RIT2: variants seen among roughly 807,000 people sequenced by gnomAD.
RIT2 encodes the protein Ras like without CAAX 2, also known as GTP-binding protein Rit2.
RIT2 carries 24 observed loss-of-function variants against 23.7 expected under a neutral mutation model. That is an observed-to-expected ratio of 1.01 (90% CI 0.73 to 1.43). The LOEUF (loss-of-function observed/expected upper bound fraction) is 1.43, where lower values mean the gene tolerates loss of function less well. RIT2 is among the 40% of genes most tolerant of loss of function. The pLI is 0.00. For missense variants in RIT2, 236 were observed against 266.9 expected (o/e 0.88, Z 0.81); for synonymous variants, 107 against 91.1 (o/e 1.17, Z -0.99).
In RIT2 at chr18:42,862,992, G is replaced by A. The variant is rs768761824; in HGVS notation, c.426+60580C>T. 3.3e-4 allele frequency among the ~76,000 whole-genome samples: 50 copies of A among 150,732 alleles called. 1 individual carries two copies. Among genetic ancestry groups the A allele is most frequent in the Non-Finnish European group, 1.6e-4 (11 of 67,900 alleles). On this transcript the variant is annotated intron_variant, in intron 4 of 4. Transcript: ENST00000326695. Reference sequence around the variant, plus strand: ...TAATCTGTTGATACTTAGAAACTTTGACTTCCCACAGATAGCAATTTGGGA... The same window carrying A: ...TAATCTGTTGATACTTAGAAACTTTAACTTCCCACAGATAGCAATTTGGGA...
intron 2 of RIT2, among the ~76,000 whole-genome samples, chr18:43,015,921 T>C (rs1033947122): frequency 6.6e-6 from 1 of 151,850 alleles, no homozygotes; most frequent in African/African-American, 2.4e-5. Flanking sequence ...CTGATACTTG[T>C]AACCCCTGTC....
chr18:42,834,461 G>A (rs1397773378), intron 4 of RIT2, among the ~76,000 whole-genome samples: 1 of 152,028 alleles, frequency 6.6e-6, no homozygotes, highest in Admixed American at 6.5e-5. Context: ...TTAATTATAT[G>A]ACTAGATATT....
At chr18:42,956,990 G>C (rs1211891708) in intron 3 of RIT2, among the ~76,000 whole-genome samples, 1 of 152,154 alleles carries the variant, frequency 6.6e-6, no homozygotes, top group African/African-American at 2.4e-5. Context: ...TTCAGGCAAA[G>C]ACTGTTTGGT....
intron 4 of RIT2, among the ~76,000 whole-genome samples, chr18:42,882,426 A>C (rs1299436459): frequency 6.6e-6 from 1 of 152,222 alleles, no homozygotes; most frequent in Non-Finnish European, 1.5e-5. Flanking sequence ...ATGACTAATT[A>C]TTTATATCTG....
chr18:42,864,828 C>T (rs1042027000), intron 4 of RIT2, among the ~76,000 whole-genome samples: 1 of 152,176 alleles, frequency 6.6e-6, no homozygotes, highest in Non-Finnish European at 1.5e-5. Context: ...TTAGGAGGCT[C>T]CATATATCCT....
chr18:42,892,519 C>T (rs369421356), intron 4 of RIT2, among the ~76,000 whole-genome samples: 2 of 152,164 alleles, frequency 1.3e-5, no homozygotes, highest in South Asian at 2.1e-4. Flanking sequence ...TTGTTTTGCC[C>T]GTATTAAATC....
rs559887206 is a variant in RIT2, at chr18:43,025,991, G to A, written c.160+7820C>T. Among the ~76,000 whole-genome samples the A allele has an allele frequency of 3.9e-5, 6 of 151,980 alleles. No homozygotes were observed. In the South Asian group the frequency reaches 1.2e-3, roughly 32 times the overall value. On this transcript the variant is annotated intron_variant, in intron 2 of 4. Transcript: ENST00000326695. ...CCTCTCAATCTATAAATAAATAAAG[G>A]CAAATAAATAACTCTGTTATAGTGA...
At position 42,936,239 on chromosome 18, in the gene RIT2, T is replaced by C. The variant is rs573693473; in HGVS notation, c.235-12476A>G. 2.6e-5 allele frequency among the ~76,000 whole-genome samples: 4 copies of C among 152,232 alleles called. No homozygotes were observed. In the South Asian group the frequency reaches 8.3e-4, roughly 32 times the overall value. On this transcript the variant is annotated intron_variant, in intron 3 of 4. Coordinates refer to ENST00000326695, the MANE Select transcript of RIT2 (RefSeq NM_002930.4). Reference sequence around the variant, plus strand: ...ATTCTCCTGCCTCAATATCATATGCTAAATAACCAAATAAATAAATAAACA... The same window carrying C: ...ATTCTCCTGCCTCAATATCATATGCCAAATAACCAAATAAATAAATAAACA...
At chr18:42,927,290 G>A (rs1187441134) in intron 3 of RIT2, among the ~76,000 whole-genome samples, 3 of 151,568 alleles carry the variant, frequency 2.0e-5, no homozygotes, top group Non-Finnish European at 4.4e-5. Context: ...CATAATGAAT[G>A]TGGAGGATAT....
chr18:42,841,377 G>A (rs565441187), intron 4 of RIT2, among the ~76,000 whole-genome samples: 20 of 152,248 alleles, frequency 1.3e-4, no homozygotes, highest in African/African-American at 4.8e-4. Context: ...TAGTTTCAAA[G>A]TTATAAAATC....
At chr18:43,037,027 C>T (rs142420732) in intron 1 of RIT2, among the ~76,000 whole-genome samples, 1 of 152,160 alleles carries the variant, frequency 6.6e-6, no homozygotes, top group Non-Finnish European at 1.5e-5. Context: ...TAAAGAGCAA[C>T]TTCATAAGAA....
At chr18:43,059,695 G>T (rs928808825) in intron 1 of RIT2, among the ~76,000 whole-genome samples, 1 of 152,110 alleles carries the variant, frequency 6.6e-6, no homozygotes, top group Admixed American at 6.6e-5. Flanking sequence ...TTATTAACTT[G>T]ACTTGTTTTA....
At chr18:42,792,712 A>G (rs1255026230) in intron 4 of RIT2, among the ~76,000 whole-genome samples, 1 of 152,188 alleles carries the variant, frequency 6.6e-6, no homozygotes, top group African/African-American at 2.4e-5. Flanking sequence ...GCAAGACCCC[A>G]TTTCTAGTTG....
chr18:42,922,263 G>T, intron 4 of RIT2, among the ~76,000 whole-genome samples: 1 of 152,098 alleles, frequency 6.6e-6, no homozygotes, highest in East Asian at 1.9e-4. Context: ...AGCATATTAA[G>T]CATGAAAATT....
At chr18:42,807,318 T>C (rs1015685015) in intron 4 of RIT2, among the ~76,000 whole-genome samples, 1 of 152,202 alleles carries the variant, frequency 6.6e-6, no homozygotes, top group African/African-American at 2.4e-5. Context: ...ACACTTCTGA[T>C]ATTTTAAAAT....
At chr18:42,771,683 AG>A (rs1913555091) in intron 4 of RIT2, among the ~76,000 whole-genome samples, 1 of 152,122 alleles carries the variant, frequency 6.6e-6, no homozygotes, top group Non-Finnish European at 1.5e-5. Context: ...TAAACAATTT[AG>A]ATTTTTTTCT....
At position 43,022,395 on chromosome 18, in the gene RIT2, G is replaced by A. The variant is rs528912541; in HGVS notation, c.160+11416C>T. 5.1e-4 allele frequency among the ~76,000 whole-genome samples: 77 copies of A among 152,220 alleles called. 1 individual carries two copies. Among genetic ancestry groups the A allele is most frequent in the African/African-American group, 1.8e-3 (75 of 41,562 alleles). ...ATAAGTTCTAATGTGTGGCAGCAGA[G>A]TAGGGTAACTACAGTTAATAATGAA... On this transcript the variant is annotated intron_variant, in intron 2 of 4. Coordinates refer to ENST00000326695, the MANE Select transcript of RIT2 (RefSeq NM_002930.4).
intron 2 of RIT2, among the ~76,000 whole-genome samples, chr18:43,010,278 G>C (rs974140310): frequency 6.6e-6 from 1 of 151,730 alleles, no homozygotes; most frequent in Admixed American, 6.6e-5. Context: ...TCCTCTAATA[G>C]AAAGGAATTA....
intron 1 of RIT2, among the ~76,000 whole-genome samples, chr18:43,039,491 G>A (rs1912076691): frequency 6.6e-6 from 1 of 151,898 alleles, no homozygotes; most frequent in African/African-American, 2.4e-5. Context: ...TGGGATTACA[G>A]GCATGTGACA....
Sources: gnomAD v4.1 joint callset for allele counts (sites outside exome capture counted in the v4.1 genomes callset) on GRCh38, gnomAD v4.1.1 for gene constraint, MANE v1.5 for transcripts, NCBI Gene and HGNC (gene_info 2026-07-23, HGNC 2026-07-21) for gene names.